Variants in TAFA1 observed in about 807,000 individuals in gnomAD.
TAFA1 encodes chemokine-like protein TAFA-1.
A neutral mutation model predicts 18.5 loss-of-function variants in TAFA1; 4 were observed. The ratio of observed to expected loss-of-function variants is 0.22; its 90% CI spans 0.11 to 0.49. TAFA1 has a LOEUF of 0.49. Ranked by LOEUF, TAFA1 falls within the 20% of genes least tolerant of loss-of-function variation. The probability of loss-of-function intolerance (pLI) is 0.98; values close to 1 mark genes in which losing one functional copy is unlikely to be tolerated. For missense variants in TAFA1, 147 were observed against 169.0 expected, an observed-to-expected ratio of 0.87 and a Z score of 0.72; for synonymous variants, 56 against 55.2, an observed-to-expected ratio of 1.01 and a Z score of -0.06.
chr3:68,058,390 G>C (rs750436463), intron 2 of TAFA1, among the ~76,000 whole-genome samples: 4 of 152,124 alleles, frequency 2.6e-5, no homozygotes, highest in Non-Finnish European at 5.9e-5. Context: ...TAACAATAAT[G>C]ATCTTTATTT....
intron 2 of TAFA1, among the ~76,000 whole-genome samples, chr3:68,166,061 A>AG (rs2065978670): frequency 6.6e-6 from 1 of 152,222 alleles, no homozygotes; most frequent in Non-Finnish European, 1.5e-5. Flanking sequence ...AATGCCAGAT[A>AG]GAAGATAGAA....
intron 2 of TAFA1, among the ~76,000 whole-genome samples, chr3:68,073,433 C>A (rs954235999): frequency 1.3e-5 from 2 of 152,186 alleles, no homozygotes; most frequent in Admixed American, 6.5e-5. Flanking sequence ...GCAGCATTAA[C>A]AAATATGTCC....
At chr3:68,088,898 A>G (rs756507398) in intron 2 of TAFA1, among the ~76,000 whole-genome samples, 21 of 152,142 alleles carry the variant, frequency 1.4e-4, no homozygotes, top group Non-Finnish European at 2.9e-4. Flanking sequence ...TTCTGGCTCT[A>G]TGTAATGGTA....
At chr3:68,387,265 C>G (rs888419784) in intron 2 of TAFA1, among the ~76,000 whole-genome samples, 11 of 152,088 alleles carry the variant, frequency 7.2e-5, no homozygotes, top group Non-Finnish European at 1.3e-4. Context: ...ATCTGACATT[C>G]TCTATGCTAG....
intron 2 of TAFA1, among the ~76,000 whole-genome samples, chr3:68,301,747 C>G (rs1408674420): frequency 6.6e-6 from 1 of 152,152 alleles, no homozygotes; most frequent in African/African-American, 2.4e-5. Flanking sequence ...ACTCTAAAAA[C>G]TGTCAGAAGT....
At chr3:68,447,292 G>A (rs1001456289) in intron 3 of TAFA1, among the ~76,000 whole-genome samples, 23 of 152,060 alleles carry the variant, frequency 1.5e-4, no homozygotes, top group African/African-American at 5.6e-4. Context: ...GAACTTTCTC[G>A]AGTTCATCTC....
intron 2 of TAFA1, among the ~76,000 whole-genome samples, chr3:68,349,416 G>T (rs1244157526): frequency 1.3e-5 from 2 of 152,040 alleles, no homozygotes; most frequent in Non-Finnish European, 2.9e-5. Context: ...AGAGACTACA[G>T]CAAAGACTAA....
chr3:68,350,885 A>G (rs1049502100), intron 2 of TAFA1, among the ~76,000 whole-genome samples: 1 of 152,088 alleles, frequency 6.6e-6, no homozygotes, highest in African/African-American at 2.4e-5. Flanking sequence ...AAAGACCAAG[A>G]CCCTTGTAGC....
intron 2 of TAFA1, among the ~76,000 whole-genome samples, chr3:68,263,356 G>A (rs1307983420): frequency 1.3e-5 from 2 of 150,974 alleles, no homozygotes; most frequent in Non-Finnish European, 2.9e-5. Context: ...TCATTTTTTT[G>A]TGGAACATAC....
At chr3:68,012,517 G>A (rs1704492158) in intron 2 of TAFA1, among the ~76,000 whole-genome samples, 1 of 152,044 alleles carries the variant, frequency 6.6e-6, no homozygotes, top group Non-Finnish European at 1.5e-5. Flanking sequence ...AAATAATTTT[G>A]GAGAAAAGAA....
At chr3:68,366,956 A>C (rs189712595) in intron 2 of TAFA1, among the ~76,000 whole-genome samples, 21 of 152,134 alleles carry the variant, frequency 1.4e-4, no homozygotes, top group Non-Finnish European at 2.9e-4. Flanking sequence ...CTGGACATTG[A>C]CCCTGACTCA....
chr3:68,251,726 G>A (rs2067200332), intron 2 of TAFA1, among the ~76,000 whole-genome samples: 1 of 152,160 alleles, frequency 6.6e-6, no homozygotes, highest in Non-Finnish European at 1.5e-5. Context: ...AACACAGCAT[G>A]GCCTCTGTGA....
intron 2 of TAFA1, among the ~76,000 whole-genome samples, chr3:68,011,546 CAATATTACTTTA>C (rs1347815095): frequency 1.4e-4 from 22 of 152,022 alleles, no homozygotes; most frequent in Non-Finnish European, 2.4e-4. Flanking sequence ...CCTTACTATT[CAATATTACTTTA>C]TTGAAAGCTG....
intron 3 of TAFA1, among the ~76,000 whole-genome samples, chr3:68,464,967 CA>C (rs1441390424): frequency 6.6e-6 from 1 of 152,102 alleles, no homozygotes; most frequent in Non-Finnish European, 1.5e-5. Context: ...ATTTGGGCAG[CA>C]GCATACTTAG....
intron 2 of TAFA1, among the ~76,000 whole-genome samples, chr3:68,081,839 A>T (rs915131758): frequency 2.1e-4 from 32 of 152,186 alleles, no homozygotes; most frequent in African/African-American, 7.5e-4. Flanking sequence ...GGTGGGCTCC[A>T]CCCAGTTCGA....
chr3:68,427,660 C>T (rs1299569890), intron 3 of TAFA1, among the ~76,000 whole-genome samples: 2 of 151,788 alleles, frequency 1.3e-5, no homozygotes, highest in Admixed American at 6.6e-5. Flanking sequence ...TACCACCCCC[C>T]CCATACAAGT....
chr3:68,466,597 C>T (rs1475445093), intron 3 of TAFA1, among the ~76,000 whole-genome samples: 2 of 152,064 alleles, frequency 1.3e-5, no homozygotes, highest in Non-Finnish European at 2.9e-5. Context: ...AATCTTGAGC[C>T]CTCCCAGTTA....
At chr3:68,393,056 A>G (rs529953202) in intron 2 of TAFA1, among the ~76,000 whole-genome samples, 2 of 152,298 alleles carry the variant, frequency 1.3e-5, no homozygotes, top group South Asian at 2.1e-4. Context: ...CAAAAAATCA[A>G]TGAGTCCAGG....
Position 68,277,629 on chromosome 3 carries a change from A to T in TAFA1, c.119-139651A>T, listed in dbSNP as rs761965941. The stretch of plus-strand genomic sequence containing the variant: ...TTTCACATGGACCCCAAGATGCAAA[A>T]GATAGAAAAAATAGAACAAACTTAC... On this transcript the variant is annotated intron_variant, in intron 2 of 4. Coordinates refer to ENST00000478136, the MANE Select transcript of TAFA1 (RefSeq NM_213609.4). 1.6e-4 allele frequency among the ~76,000 whole-genome samples: 25 copies of T among 152,318 alleles called. 1 individual carries two copies. Among genetic ancestry groups the T allele is most frequent in the Middle Eastern group, 3.4e-3 (1 of 294 alleles).
Sources: allele counts gnomAD v4.1 joint callset (sites outside exome capture counted in the v4.1 genomes callset), GRCh38; gene constraint gnomAD v4.1.1; transcripts MANE v1.5; gene names NCBI Gene and HGNC (gene_info 2026-07-23, HGNC 2026-07-21).